Variants in HOMER1 observed in about 807,000 individuals in gnomAD.
HOMER1 encodes the protein homer protein homolog 1.
HOMER1 carries 3 observed loss-of-function variants against 48.9 expected under a neutral mutation model. That is an observed-to-expected ratio of 0.06 (90% CI 0.03 to 0.16). The LOEUF is 0.16. Among genes scored for constraint, HOMER1 ranks in the 10% least tolerant of loss-of-function variants. The pLI, the probability that HOMER1 is intolerant of heterozygous loss-of-function variation, is 1.00. For missense variants in HOMER1, 247 were observed against 411.4 expected (o/e 0.60, Z 3.46); for synonymous variants, 134 against 146.4 (o/e 0.92, Z 0.61).
chr5:79,439,206 T>A, intron 4 of HOMER1, 57 bp from the exon 5 acceptor site: 1 of 1,571,220 alleles, frequency 6.4e-7, no homozygotes, highest in Non-Finnish European at 8.7e-7. Context: ...AAGTACACAA[T>A]ATCATCTTGA....
At chr5:79,457,224 A>C (rs1009798905) in intron 1 of HOMER1, among the ~76,000 whole-genome samples, 32 of 152,226 alleles carry the variant, frequency 2.1e-4, no homozygotes, top group Non-Finnish European at 1.2e-4. Context: ...TTATTTGAAG[A>C]GTCTGTACAT....
At chr5:79,510,265 T>C (rs1271142248) in intron 1 of HOMER1, among the ~76,000 whole-genome samples, 2 of 152,076 alleles carry the variant, frequency 1.3e-5, no homozygotes, top group South Asian at 2.1e-4. Context: ...CTTTATTAAC[T>C]AAAGGGCAGA....
intron 5 of HOMER1, among the ~76,000 whole-genome samples, chr5:79,406,532 G>A (rs551272460): frequency 6.6e-6 from 1 of 152,304 alleles, no homozygotes; most frequent in African/African-American, 2.4e-5. Flanking sequence ...CAGAGAGAGA[G>A]ACTAGAGAAA....
intron 2 of HOMER1, among the ~76,000 whole-genome samples, chr5:79,451,556 CTTTTTTTTTTTTT>C (rs71615542): frequency 1.7e-4 from 11 of 64,640 alleles, no homozygotes; most frequent in African/African-American, 8.3e-4. Context: ...AAATATGACA[CTTTTTTTTTTTTT>C]TTTTTTTTTT....
intron 6 of HOMER1, among the ~76,000 whole-genome samples, chr5:79,399,559 C>T (rs1430193840): frequency 6.6e-6 from 1 of 152,012 alleles, no homozygotes; most frequent in Non-Finnish European, 1.5e-5. Flanking sequence ...TGTGATTTAC[C>T]CTAGGGTTAC....
chr5:79,402,038 T>C lies in HOMER1; in HGVS notation c.545A>G (p.His182Arg). Reference sequence around the variant, plus strand: ...GAGGGTAGCCAGTTCAGCCTCCCAATGTTTGCTGATTGCTGAACTAAAATA... The same window carrying C: ...GAGGGTAGCCAGTTCAGCCTCCCAACGTTTGCTGATTGCTGAACTAAAATA... Reference protein sequence around the residue: ...PFSHSSAISKHWEAELATLKG... With the variant: ...PFSHSSAISKRWEAELATLKG... The change falls in exon 6 of 9, where the codon CAT (histidine) becomes CGT (arginine). Residue 182 changes from histidine to arginine, a missense_variant. Transcript: ENST00000334082. The C allele has an allele frequency of 1.2e-6, 2 of 1,613,466 alleles. No individual in the cohort carries two copies. Among genetic ancestry groups the C allele is most frequent in the Non-Finnish European group, 1.7e-6 (2 of 1,179,974 alleles).
chr5:79,410,957 T>C (rs939128048), intron 5 of HOMER1, among the ~76,000 whole-genome samples: 5 of 152,216 alleles, frequency 3.3e-5, no homozygotes, highest in African/African-American at 9.6e-5. Context: ...AAGTGCTTAG[T>C]TGGAGAGACC....
chr5:79,511,361 A>T (rs1334007787), intron 1 of HOMER1, among the ~76,000 whole-genome samples: 1 of 152,272 alleles, frequency 6.6e-6, no homozygotes, highest in Non-Finnish European at 1.5e-5. Flanking sequence ...GGTCTCCATC[A>T]GAAAGATCGA....
intron 8 of HOMER1, among the ~76,000 whole-genome samples, chr5:79,389,288 T>C (rs1749190138): frequency 6.6e-6 from 1 of 152,008 alleles, no homozygotes; most frequent in African/African-American, 2.4e-5. Context: ...AAAGTTTAAA[T>C]AAGCAAGATC....
chr5:79,407,460 T>C (rs1749696240), intron 5 of HOMER1, among the ~76,000 whole-genome samples: 1 of 152,142 alleles, frequency 6.6e-6, no homozygotes, highest in Non-Finnish European at 1.5e-5. Flanking sequence ...GGACATCACG[T>C]TCACTCAGAT....
At position 79,376,017 on chromosome 5, in the gene HOMER1, A is replaced by C; in HGVS notation, c.1057T>G (p.Cys353Gly). The C allele has an allele frequency of 1.9e-6, 3 of 1,606,360 alleles. No individual in the cohort carries two copies. The highest frequency in any genetic ancestry group is 2.6e-6 in the Non-Finnish European group (3 of 1,176,342). The change falls in exon 9 of 9, where the codon TGC becomes GGC. Residue 353 changes from cysteine to glycine, a missense_variant. Cys to Gly is a radical substitution (Grantham distance 159). This residue lies in a region of HOMER1 where 113 missense variants were observed against 152.5 expected (regional missense o/e 0.74). Transcript: ENST00000334082. ...CTGAAATTTCACTTTCCTTAGCTGC[A>C]TTCTAGTAGCTTGGCCAAGTTATCT... ...LRDNLAKLLE[C>G]S
chr5:79,474,436 T>C (rs1001071724), intron 1 of HOMER1, among the ~76,000 whole-genome samples: 1 of 152,050 alleles, frequency 6.6e-6, no homozygotes, highest in Non-Finnish European at 1.5e-5. Flanking sequence ...CTCAATTCCC[T>C]AAAAGATGCC....
At chr5:79,506,093 T>G (rs1179045498) in intron 1 of HOMER1, among the ~76,000 whole-genome samples, 1 of 150,612 alleles carries the variant, frequency 6.6e-6, no homozygotes, top group African/African-American at 2.5e-5. Flanking sequence ...AGTGAACAAA[T>G]TTTTAAAAAC....
chr5:79,492,908 T>A (rs1752323099), intron 1 of HOMER1, among the ~76,000 whole-genome samples: 1 of 27,742 alleles, frequency 3.6e-5, no homozygotes, highest in African/African-American at 3.6e-4. Context: ...AAACTTTGTC[T>A]TTTTTTTTTT....
chr5:79,401,814 C>T, intron 6 of HOMER1, 85 bp downstream of exon 6: 6 of 1,272,644 alleles, frequency 4.7e-6, no homozygotes, highest in Non-Finnish European at 6.7e-6. Flanking sequence ...AGAAGATATC[C>T]CTGTGCTGAA....
chr5:79,448,545 C>G (rs1452770880), intron 3 of HOMER1, among the ~76,000 whole-genome samples: 1 of 152,120 alleles, frequency 6.6e-6, no homozygotes. Context: ...AGAGACCACA[C>G]ATTTTTTTTC....
chr5:79,473,319 T>C (rs1751672518), intron 1 of HOMER1, among the ~76,000 whole-genome samples: 1 of 152,174 alleles, frequency 6.6e-6, no homozygotes, highest in South Asian at 2.1e-4. Flanking sequence ...CAGACATTTG[T>C]GATTCTTTTT....
intron 1 of HOMER1, among the ~76,000 whole-genome samples, chr5:79,491,369 G>A (rs534472021): frequency 7.1e-6 from 1 of 141,158 alleles, no homozygotes; most frequent in East Asian, 2.4e-4. Flanking sequence ...AGCCCCGGAG[G>A]TTGAGGGTGC....
chr5:79,417,417 T>C (rs964141084), intron 5 of HOMER1, among the ~76,000 whole-genome samples: 9 of 152,166 alleles, frequency 5.9e-5, no homozygotes, highest in Non-Finnish European at 1.2e-4. Context: ...GCTGGGATTA[T>C]AGGCGTGAGC....
Sources: allele counts gnomAD v4.1 joint callset (sites outside exome capture counted in the v4.1 genomes callset), GRCh38; gene constraint gnomAD v4.1.1; regional missense constraint gnomAD v4.1.1; transcripts MANE v1.5; gene names NCBI Gene and HGNC (gene_info 2026-07-23, HGNC 2026-07-21).